Variants in TMEM132D observed in about 807,000 individuals in gnomAD.
TMEM132D encodes mature OL transmembrane protein.
A neutral mutation model predicts 62.3 loss-of-function variants in TMEM132D; 21 were observed. The ratio of observed to expected loss-of-function variants is 0.34; its 90% CI spans 0.24 to 0.49. The LOEUF is 0.49. Among genes scored for constraint, TMEM132D ranks in the 20% least tolerant of loss-of-function variants. The pLI, the probability that TMEM132D is intolerant of heterozygous loss-of-function variation, is 0.99. For synonymous variants in TMEM132D, 621 were observed against 575.6 expected, an observed-to-expected ratio of 1.08 and a Z score of -1.13; for missense variants, 1,346 against 1,402.8, an observed-to-expected ratio of 0.96 and a Z score of 0.65.
intron 3 of TMEM132D, among the ~76,000 whole-genome samples, chr12:129,435,373 T>G (rs1872762042): frequency 6.6e-6 from 1 of 152,228 alleles, no homozygotes; most frequent in African/African-American, 2.4e-5. Context: ...ATACCATTTT[T>G]TAATTTTTTA....
At chr12:129,405,445 A>G (rs1030006118) in intron 3 of TMEM132D, among the ~76,000 whole-genome samples, 6 of 152,174 alleles carry the variant, frequency 3.9e-5, no homozygotes, top group South Asian at 2.1e-4. Context: ...CATTCAGCCC[A>G]TAACTATTAG....
chr12:129,410,547 A>G (rs974629343), intron 3 of TMEM132D, among the ~76,000 whole-genome samples: 1 of 151,698 alleles, frequency 6.6e-6, no homozygotes, highest in Non-Finnish European at 1.5e-5. Flanking sequence ...TTTAGTACAG[A>G]TGGGGTTTCT....
chr12:129,838,601 AT>A (rs1441873448), intron 1 of TMEM132D, among the ~76,000 whole-genome samples: 1 of 152,238 alleles, frequency 6.6e-6, no homozygotes, highest in Non-Finnish European at 1.5e-5. Context: ...TATTTGTGCC[AT>A]ATATGATCAA....
At position 129,357,787 on chromosome 12, in the gene TMEM132D, C is replaced by T. The variant is rs140726661; in HGVS notation, c.1116-19970G>A. Among the ~76,000 whole-genome samples, 135 of 152,272 alleles carry T rather than the reference C, an allele frequency of 8.9e-4. 1 individual carries two copies. In the Middle Eastern group the frequency reaches 0.01, roughly 12 times the overall value. ...TTTTCCAGACTGCGTCAATCTTCGT[C>T]GGCAATGGCACTTTGGAAATTTGCA... On this transcript the variant is annotated intron_variant, in intron 3 of 8. Coordinates refer to ENST00000422113, the MANE Select transcript of TMEM132D (RefSeq NM_133448.3).
intron 3 of TMEM132D, among the ~76,000 whole-genome samples, chr12:129,428,490 G>A (rs770406290): frequency 3.3e-5 from 5 of 152,222 alleles, no homozygotes; most frequent in Non-Finnish European, 7.3e-5. Flanking sequence ...TTCTTAACCT[G>A]TGTTATTACT....
intron 1 of TMEM132D, among the ~76,000 whole-genome samples, chr12:129,823,139 C>T (rs1872579901): frequency 6.6e-6 from 1 of 152,220 alleles, no homozygotes; most frequent in African/African-American, 2.4e-5. Flanking sequence ...GTGCCTACTC[C>T]TCCTTTTCCT....
rs765619674 is a variant in TMEM132D at position 129,731,140 on chromosome 12, C to T, written c.80-30442G>A. On this transcript the variant is annotated intron_variant, in intron 1 of 8. Transcript: ENST00000422113. Reference sequence around the variant, plus strand: ...GTTTAGAGCTTTACCATTCAGTCCACGGTAGAAGGTTTATATAATGCTTTG... The same window carrying T: ...GTTTAGAGCTTTACCATTCAGTCCATGGTAGAAGGTTTATATAATGCTTTG... Among the ~76,000 whole-genome samples, 5 of 152,028 alleles carry T rather than the reference C, an allele frequency of 3.3e-5. No homozygotes were observed. In the South Asian group the frequency reaches 6.2e-4, roughly 19 times the overall value.
rs71082709 is a variant in TMEM132D, at chr12:129,420,306, G to GTTTTT, written c.1116-82494_1116-82490dup. On this transcript the variant is annotated intron_variant, in intron 3 of 8. Coordinates refer to ENST00000422113, the MANE Select transcript of TMEM132D (RefSeq NM_133448.3). ...AATTTCAAATTATTGCACGTTCTCT[G>GTTTTT]TTTTTTTTTTTTTTTTTTTTTTTTG... 3.9e-4 allele frequency among the ~76,000 whole-genome samples: 44 copies of GTTTTT among 112,300 alleles called. 2 individuals carry two copies. The highest frequency in any genetic ancestry group is 1.0e-3 in the African/African-American group (26 of 24,946). 73.7% of individuals were successfully genotyped at this position (112,300 alleles called of 152,430 possible).
At chr12:129,553,246 G>A (rs1876951894) in intron 2 of TMEM132D, among the ~76,000 whole-genome samples, 1 of 152,138 alleles carries the variant, frequency 6.6e-6, no homozygotes. Context: ...CTCTGCCACA[G>A]TGGCCCGTGG....
chr12:129,684,104 T>TC (rs1177445399), intron 2 of TMEM132D, among the ~76,000 whole-genome samples: 35 of 151,792 alleles, frequency 2.3e-4, no homozygotes, highest in Non-Finnish European at 1.8e-4. Context: ...TGTCTATAAA[T>TC]CCCCCCAAAT....
chr12:129,388,672 A>G (rs1871202250), intron 3 of TMEM132D, among the ~76,000 whole-genome samples: 1 of 130,312 alleles, frequency 7.7e-6, no homozygotes, highest in Admixed American at 7.5e-5. Context: ...TAACACCGAC[A>G]CCAATACTAA....
chr12:129,812,330 A>C (rs575210202), intron 1 of TMEM132D, among the ~76,000 whole-genome samples: 1 of 151,848 alleles, frequency 6.6e-6, no homozygotes, highest in East Asian at 1.9e-4. Context: ...CACGTGTAAC[A>C]TCATGTTTGA....
chr12:129,684,110 C>CA (rs1314765835), intron 2 of TMEM132D, among the ~76,000 whole-genome samples: 1 of 152,072 alleles, frequency 6.6e-6, no homozygotes, highest in Admixed American at 6.5e-5. Flanking sequence ...TAAATCCCCC[C>CA]AAATAATTAT....
At chr12:129,460,095 A>C (rs1873610782) in intron 3 of TMEM132D, among the ~76,000 whole-genome samples, 1 of 152,216 alleles carries the variant, frequency 6.6e-6, no homozygotes, top group African/African-American at 2.4e-5. Flanking sequence ...AGCCACCAGC[A>C]GACATCATAG....
At chr12:129,174,814 T>A in intron 5 of TMEM132D, among the ~76,000 whole-genome samples, 1 of 152,236 alleles carries the variant, frequency 6.6e-6, no homozygotes, top group East Asian at 1.9e-4. Flanking sequence ...TGAATTGCAT[T>A]TCTCTAATGA....
Position 129,198,041 on chromosome 12 carries a change from A to C in TMEM132D, c.1443+11479T>G, listed in dbSNP as rs1179760061. ...ATAGATACATTTTAAAATGCTCAAC[A>C]TCACGAATCACTACGGAATGAAGAT... On this transcript the variant is annotated intron_variant, in intron 5 of 8. Coordinates refer to ENST00000422113, the MANE Select transcript of TMEM132D (RefSeq NM_133448.3). Among the ~76,000 whole-genome samples, 4 of 152,238 alleles carry C rather than the reference A, an allele frequency of 2.6e-5. No individual in the cohort carries two copies. In the East Asian group the frequency reaches 7.7e-4, roughly 29 times the overall value.
chr12:129,833,408 C>T (rs1405719464), intron 1 of TMEM132D, among the ~76,000 whole-genome samples: 1 of 152,034 alleles, frequency 6.6e-6, no homozygotes, highest in Non-Finnish European at 1.5e-5. Flanking sequence ...TGAGACCAGC[C>T]TGGGCCATGT....
chr12:129,353,851 CCTGA>C (rs1869951107), intron 3 of TMEM132D, among the ~76,000 whole-genome samples: 1 of 151,730 alleles, frequency 6.6e-6, no homozygotes, highest in Admixed American at 6.6e-5. Flanking sequence ...TCAAACACCT[CCTGA>C]CTGACTCCAC....
At chr12:129,665,128 C>T (rs1343578492) in intron 2 of TMEM132D, among the ~76,000 whole-genome samples, 1 of 152,030 alleles carries the variant, frequency 6.6e-6, no homozygotes, top group Non-Finnish European at 1.5e-5. Context: ...GGTTTAGGCC[C>T]CAGATCCTAC....
Sources: allele counts gnomAD v4.1 joint callset (sites outside exome capture counted in the v4.1 genomes callset), GRCh38; gene constraint gnomAD v4.1.1; transcripts MANE v1.5; gene names NCBI Gene and HGNC (gene_info 2026-07-23, HGNC 2026-07-21).